PKD1L1: variants seen among roughly 807,000 people sequenced by gnomAD.
PKD1L1 encodes polycystin-1-like protein 1.
Under a neutral mutation model 323.4 loss-of-function variants are expected in PKD1L1, and 236 were observed. The observed-to-expected ratio is 0.73, with a 90% CI of 0.66 to 0.81. The LOEUF (loss-of-function observed/expected upper bound fraction) is 0.81, where lower values mean the gene tolerates loss of function less well. PKD1L1 is among the 40% of genes least tolerant of loss of function. The probability of loss-of-function intolerance (pLI) is 0.00; values close to 1 mark genes in which losing one functional copy is unlikely to be tolerated. For synonymous variants in PKD1L1, 1,344 were observed against 1,335.0 expected, an observed-to-expected ratio of 1.01 and a Z score of -0.15; for missense variants, 3,320 against 3,508.0, an observed-to-expected ratio of 0.95 and a Z score of 1.35.
chr7:47,960,370 A>G, the PKD1L1 span, among the ~76,000 whole-genome samples: 1 of 68,866 alleles, frequency 1.5e-5, no homozygotes, highest in East Asian at 1.2e-3. Flanking sequence ...GATCAATAAA[A>G]AAAAATTAAA....
intron 31 of PKD1L1, among the ~76,000 whole-genome samples, chr7:47,847,941 A>G (rs1467149777): frequency 6.6e-6 from 1 of 152,058 alleles, no homozygotes; most frequent in Non-Finnish European, 1.5e-5. Context: ...AACAAACTCA[A>G]TACAAAAGTG....
At chr7:47,918,857 C>T (rs980277949) in intron 7 of PKD1L1, among the ~76,000 whole-genome samples, 4 of 152,094 alleles carry the variant, frequency 2.6e-5, no homozygotes, top group Non-Finnish European at 4.4e-5. Flanking sequence ...ACCTCTGGGA[C>T]ACAGCAAAGG....
chr7:47,934,115 T>C (rs968966878), intron 4 of PKD1L1, among the ~76,000 whole-genome samples: 1 of 152,238 alleles, frequency 6.6e-6, no homozygotes, highest in African/African-American at 2.4e-5. Flanking sequence ...AGGTATACTA[T>C]TATGTATGGT....
At chr7:47,802,755 G>A (rs757072616) in intron 53 of PKD1L1, among the ~76,000 whole-genome samples, 16 of 152,236 alleles carry the variant, frequency 1.1e-4, no homozygotes, top group Non-Finnish European at 1.9e-4. Flanking sequence ...CTCCAGACCA[G>A]ACTTCAGGGC....
chr7:47,923,895 A>C (rs1208650367), intron 7 of PKD1L1, among the ~76,000 whole-genome samples: 1 of 152,192 alleles, frequency 6.6e-6, no homozygotes, highest in Non-Finnish European at 1.5e-5. Flanking sequence ...GAAAAAAGTT[A>C]TAAAATCAGC....
Position 47,886,009 on chromosome 7 carries a change from C to T in PKD1L1, c.2882G>A (p.Gly961Asp), listed in dbSNP as rs1786676156. 6.2e-7 allele frequency: 1 copy of T among 1,613,984 alleles called. No homozygotes were observed. Among genetic ancestry groups the T allele is most frequent in the Non-Finnish European group, 8.5e-7 (1 of 1,180,010 alleles). ...TAACTGTGATGACTCTGAAATGGCA[C>T]CGAGTCCCAGCGAGCCAAGCAGCCC... Reference protein sequence around the residue: ...VVGLLGSLGLGAISESSQLNL... With the variant: ...VVGLLGSLGLDAISESSQLNL... Residue 961 changes from glycine to aspartate, a missense_variant, in exon 18 of 57, where the codon GGT (glycine) becomes GAT (aspartate). By Grantham distance (94) the Gly-to-Asp change is moderately conservative. Coordinates refer to ENST00000289672, the MANE Select transcript of PKD1L1 (RefSeq NM_138295.5).
the PKD1L1 span, among the ~76,000 whole-genome samples, chr7:47,956,192 T>C: frequency 6.6e-6 from 1 of 152,138 alleles, no homozygotes; most frequent in Non-Finnish European, 1.5e-5. Flanking sequence ...AATGGTTCTG[T>C]TTGATCATAA....
intron 56 of PKD1L1, among the ~76,000 whole-genome samples, chr7:47,785,070 G>A (rs1786777573): frequency 6.6e-6 from 1 of 152,146 alleles, no homozygotes; most frequent in African/African-American, 2.4e-5. Context: ...GTGAGAGCAG[G>A]TGAGAATGAT....
At chr7:47,828,855 G>T (rs1417265736) in intron 44 of PKD1L1, among the ~76,000 whole-genome samples, 1 of 152,180 alleles carries the variant, frequency 6.6e-6, no homozygotes, top group East Asian at 1.9e-4. Context: ...GTCCTTGGTC[G>T]TAAGTGACTT....
At chr7:47,959,764 C>T in the PKD1L1 span, among the ~76,000 whole-genome samples, 1 of 146,520 alleles carries the variant, frequency 6.8e-6, no homozygotes, top group Non-Finnish European at 1.5e-5. Flanking sequence ...CAGCCCCCCG[C>T]CCGGCCAGCC....
chr7:47,955,137 G>A, the PKD1L1 span, among the ~76,000 whole-genome samples: 1 of 152,184 alleles, frequency 6.6e-6, no homozygotes, highest in Non-Finnish European at 1.5e-5. Context: ...CCTCATCCAT[G>A]TTGGGCCCAT....
intron 24 of PKD1L1, among the ~76,000 whole-genome samples, chr7:47,871,195 C>T (rs1786274549): frequency 6.6e-6 from 1 of 152,100 alleles, no homozygotes. Context: ...AATTTATTCC[C>T]AGACTGTAAG....
chr7:47,940,343 T>C, intron 2 of PKD1L1, 26 bp from the exon 3 acceptor site: 1 of 1,603,290 alleles, frequency 6.2e-7, no homozygotes, highest in Non-Finnish European at 8.5e-7. Context: ...AAAGCAAACA[T>C]TCTGAAGACT....
At position 47,834,971 on chromosome 7, in the gene PKD1L1, G is replaced by A; in HGVS notation, c.6123C>T (p.Pro2041=). Residue 2041 remains proline, a synonymous_variant, in exon 39 of 57, where the codon CCC becomes CCT. Transcript: ENST00000289672. ...PLRGGAQTEA[P]HGPNSWGRIP... ...AGAGTTTTAATGTACATTTACCATG[G>A]GGTGCCTCGGTCTGTGCTCCTCCTC... 1.2e-6 allele frequency: 2 copies of A among 1,613,320 alleles called. No homozygotes were observed. Among genetic ancestry groups the A allele is most frequent in the Non-Finnish European group, 1.7e-6 (2 of 1,179,400 alleles).
chr7:47,949,776 T>G (rs1380719845), upstream of PKD1L1, among the ~76,000 whole-genome samples: 1 of 152,142 alleles, frequency 6.6e-6, no homozygotes, highest in Non-Finnish European at 1.5e-5. Flanking sequence ...CTTTCTCAGA[T>G]GGGAACACAG....
chr7:47,901,327 C>CAAAAAAAAAAAAAAAAAA (rs71699736), intron 13 of PKD1L1, among the ~76,000 whole-genome samples: 1 of 62,618 alleles, frequency 1.6e-5, no homozygotes, highest in Non-Finnish European at 3.6e-5. Context: ...AACAGAGTCT[C>CAAAAAAAAAAAAAAAAAA]AAAAAAAAAA....
intron 54 of PKD1L1, among the ~76,000 whole-genome samples, chr7:47,799,119 A>T (rs1407484364): frequency 3.9e-5 from 6 of 152,230 alleles, no homozygotes; most frequent in Non-Finnish European, 4.4e-5. Context: ...TTGCCTGAAT[A>T]TAATGGGCAT....
chr7:47,884,624 G>A lies in PKD1L1; in HGVS notation c.3239C>T (p.Ala1080Val), dbSNP rs767012711. The part of the protein sequence containing the change: ...FEAYYSDIQE[A>V]IPSGGRQPAK... ...TGGCTGTCTTCCTCCCGATGGTATT[G>A]CTTCTTGAATGTCACTGTAATAGGC... Residue 1080 changes from alanine (A) to valine (V), a missense_variant, in exon 19 of 57, where the codon GCA becomes GTA. Transcript: ENST00000289672. The A allele has an allele frequency of 6.2e-7, 1 of 1,613,998 alleles. No homozygotes were observed. The highest frequency in any genetic ancestry group is 1.1e-5 in the South Asian group (1 of 91,080).
chr7:47,808,228 C>A lies in PKD1L1; in HGVS notation c.7827+19G>T, dbSNP rs768660138. The A allele has an allele frequency of 1.7e-5, 27 of 1,613,718 alleles. No individual in the cohort carries two copies. Among genetic ancestry groups the A allele is most frequent in the Non-Finnish European group, 2.0e-5 (24 of 1,179,864 alleles). On this transcript the variant is annotated intron_variant, in intron 52 of 56. Coordinates refer to ENST00000289672, the MANE Select transcript of PKD1L1 (RefSeq NM_138295.5). ...CAGTGCATGGCCTCTATCTGCATGG[C>A]CCTGAGCACACCGTGTACCTGATTC...
Sources: gnomAD v4.1 joint callset for allele counts (sites outside exome capture counted in the v4.1 genomes callset) on GRCh38, gnomAD v4.1.1 for gene constraint, MANE v1.5 for transcripts, NCBI Gene and HGNC (gene_info 2026-07-23, HGNC 2026-07-21) for gene names.